Variants in PCDHA4 observed in about 807,000 individuals in gnomAD.
PCDHA4 encodes the protein protocadherin alpha-4.
PCDHA4 carries 49 observed loss-of-function variants against 61.4 expected under a neutral mutation model. The ratio of observed to expected loss-of-function variants is 0.80; its 90% CI spans 0.63 to 1.01. The LOEUF (loss-of-function observed/expected upper bound fraction) is 1.01. PCDHA4 is among the 50% of genes least tolerant of loss of function. PCDHA4 has a pLI of 0.00. For missense variants in PCDHA4, 1,254 were observed against 1,235.8 expected, an observed-to-expected ratio of 1.01 and a Z score of -0.22; for synonymous variants, 590 against 550.3, an observed-to-expected ratio of 1.07 and a Z score of -1.01.
chr5:140,942,518 G>A (rs2093312014), intron 1 of PCDHA4, among the ~76,000 whole-genome samples: 1 of 151,908 alleles, frequency 6.6e-6, no homozygotes, highest in Non-Finnish European at 1.5e-5. Flanking sequence ...ACTCAGAGGG[G>A]AAGCAACTAA....
chr5:140,967,472 G>A, intron 1 of PCDHA4: 1 of 1,613,430 alleles, frequency 6.2e-7, no homozygotes, highest in Non-Finnish European at 8.5e-7. Flanking sequence ...GGGCATCCCA[G>A]CCCGCTCGGG....
chr5:140,965,877 G>C (rs1355769719), intron 1 of PCDHA4, among the ~76,000 whole-genome samples: 3 of 152,210 alleles, frequency 2.0e-5, no homozygotes, highest in Non-Finnish European at 4.4e-5. Context: ...CCACTTGGCC[G>C]AGAGCAGAAT....
Position 140,844,237 on chromosome 5 carries a change from T to C in PCDHA4, c.2385+34665T>C, listed in dbSNP as rs1453017413. Among the ~76,000 whole-genome samples the C allele has an allele frequency of 2.7e-5, 4 of 149,830 alleles. 1 individual carries two copies. The highest frequency in any genetic ancestry group is 4.2e-4 in the South Asian group (2 of 4,726). On this transcript the variant is annotated intron_variant, in intron 1 of 3. Coordinates refer to ENST00000530339, the MANE Select transcript of PCDHA4 (RefSeq NM_018907.4). ...CACAAATATCTTTGGTGTTTCACTA[T>C]TGCCGTTTTAAGCAGTGTAGTGATA...
chr5:140,821,737 G>T (rs2150110277), intron 1 of PCDHA4: 1 of 1,541,884 alleles, frequency 6.5e-7, no homozygotes, highest in East Asian at 2.3e-5. Flanking sequence ...ACATTGTGTG[G>T]TGATGCAATA....
chr5:140,999,600 TG>T (rs1213821435), intron 3 of PCDHA4, among the ~76,000 whole-genome samples: 3 of 152,150 alleles, frequency 2.0e-5, no homozygotes. Context: ...CCCTACATCC[TG>T]GGGGACCTTA....
chr5:140,944,451 T>C (rs6878788), intron 1 of PCDHA4, among the ~76,000 whole-genome samples: 8,488 of 152,228 alleles, frequency 0.056, 701 homozygotes, highest in African/African-American at 0.18. Flanking sequence ...CCTCCCAAAG[T>C]GCTGGGATTA....
At chr5:140,821,957 G>T (rs112376305) in intron 1 of PCDHA4, 3 of 1,614,186 alleles carry the variant, frequency 1.9e-6, no homozygotes, top group Non-Finnish European at 2.5e-6. Context: ...CTGGTGCCGC[G>T]CCTGTTCCGG....
At chr5:140,963,957 A>T (rs1585999636) in intron 1 of PCDHA4, among the ~76,000 whole-genome samples, 1 of 152,230 alleles carries the variant, frequency 6.6e-6, no homozygotes. Flanking sequence ...CACTGGCAGG[A>T]GTGTGACTGA....
At chr5:140,939,768 G>A (rs1241071492) in intron 1 of PCDHA4, among the ~76,000 whole-genome samples, 1 of 152,162 alleles carries the variant, frequency 6.6e-6, no homozygotes, top group Non-Finnish European at 1.5e-5. Context: ...TAGTATTTCA[G>A]GGTGTGAATG....
intron 1 of PCDHA4, among the ~76,000 whole-genome samples, chr5:140,880,574 AGAGAG>A (rs2058389036): frequency 1.3e-5 from 2 of 152,226 alleles, no homozygotes; most frequent in African/African-American, 4.8e-5. Flanking sequence ...GAATTTGAGA[AGAGAG>A]GAAAGAGAAT....
At chr5:140,839,838 A>G (rs1257715116) in intron 1 of PCDHA4, among the ~76,000 whole-genome samples, 1 of 152,060 alleles carries the variant, frequency 6.6e-6, no homozygotes, top group Non-Finnish European at 1.5e-5. Flanking sequence ...TGATGAATCC[A>G]TGGAGAATTT....
At chr5:140,879,173 G>T (rs1010561937) in intron 1 of PCDHA4, among the ~76,000 whole-genome samples, 2 of 152,160 alleles carry the variant, frequency 1.3e-5, no homozygotes, top group South Asian at 2.1e-4. Context: ...AATAAATTAG[G>T]TATCAAGTAA....
At chr5:140,895,671 T>C (rs1014778982) in intron 1 of PCDHA4, among the ~76,000 whole-genome samples, 5 of 152,184 alleles carry the variant, frequency 3.3e-5, no homozygotes, top group African/African-American at 4.8e-5. Context: ...GAACATGTAG[T>C]ATTTGGTTTT....
At chr5:140,943,332 A>G (rs2093478817) in intron 1 of PCDHA4, among the ~76,000 whole-genome samples, 1 of 151,830 alleles carries the variant, frequency 6.6e-6, no homozygotes, top group Non-Finnish European at 1.5e-5. Flanking sequence ...TGTAGTATCC[A>G]TTGGACAGGA....
At chr5:140,848,733 C>T (rs2150418952) in intron 1 of PCDHA4, 1 of 1,592,812 alleles carries the variant, frequency 6.3e-7, no homozygotes, top group East Asian at 2.2e-5. Context: ...GGTAAATCTG[C>T]AGAATGGCAT....
chr5:140,946,019 C>CA (rs1222084270), intron 1 of PCDHA4, among the ~76,000 whole-genome samples: 3 of 151,732 alleles, frequency 2.0e-5, no homozygotes, highest in Non-Finnish European at 4.4e-5. Flanking sequence ...TCCTGCGCAG[C>CA]AAAGAAAACA....
intron 1 of PCDHA4, among the ~76,000 whole-genome samples, chr5:140,921,954 C>A (rs970694644): frequency 2.0e-5 from 3 of 151,586 alleles, no homozygotes; most frequent in African/African-American, 7.3e-5. Context: ...TGTAAAATCC[C>A]AGAAAACCAA....
chr5:140,858,243 C>G (rs781796341), intron 1 of PCDHA4: 1 of 1,595,896 alleles, frequency 6.3e-7, no homozygotes, highest in Non-Finnish European at 8.6e-7. Flanking sequence ...GCATGTGGGC[C>G]GGTGAAGCCC....
chr5:140,830,035 G>A, intron 1 of PCDHA4: 1 of 1,613,880 alleles, frequency 6.2e-7, no homozygotes, highest in Non-Finnish European at 8.5e-7. Flanking sequence ...ACCGGCTGCT[G>A]GTGCTGGTGA....
Sources: gnomAD v4.1 joint callset for allele counts (sites outside exome capture counted in the v4.1 genomes callset) on GRCh38, gnomAD v4.1.1 for gene constraint, MANE v1.5 for transcripts, NCBI Gene and HGNC (gene_info 2026-07-23, HGNC 2026-07-21) for gene names.